The following FAM3B variants were observed in gnomAD, a reference collection of about 807,000 sequenced individuals.
FAM3B encodes the protein protein FAM3B.
In FAM3B, 29 loss-of-function variants were observed where a neutral mutation model predicts 28.4. That is an observed-to-expected ratio of 1.02 (90% confidence interval 0.76 to 1.39). FAM3B has a LOEUF of 1.39. FAM3B is among the 40% of genes most tolerant of loss of function. The probability of loss-of-function intolerance (pLI) is 0.00; values close to 1 mark genes in which losing one functional copy is unlikely to be tolerated. For missense variants in FAM3B, 266 were observed against 293.9 expected (o/e 0.91, Z 0.69); for synonymous variants, 91 against 103.0 (o/e 0.88, Z 0.71).
Position 41,316,890 on chromosome 21 carries a change from T to A in FAM3B, c.11T>A (p.Leu4Ter). Residue 4 changes from leucine to a stop codon, truncating the protein, a stop_gained, in exon 1 of 8, where the codon TTG becomes TAG. Transcript: ENST00000357985. LOFTEE classifies it high-confidence loss of function. MRP[L>*]AGGLLKVVFV... ...AGCGGCACCTGGAAGATGCGCCCAT[T>A]GGCTGGTGGTGAGTGCGCCCCCGCC... is the stretch of plus-strand genomic sequence containing the variant. The A allele has an allele frequency of 1.4e-6, 2 of 1,390,244 alleles. No homozygotes were observed. Among genetic ancestry groups the A allele is most frequent in the South Asian group, 1.6e-5 (1 of 61,214 alleles). The allele number at this position is 1,390,244 out of a possible 1,614,324, so 86.1% of individuals were successfully genotyped here.
At chr21:41,308,574 T>C (rs1477443133) in intron 1 of FAM3B, among the ~76,000 whole-genome samples, 2 of 149,714 alleles carry the variant, frequency 1.3e-5, no homozygotes, top group African/African-American at 2.5e-5. Flanking sequence ...AGTTTCACTC[T>C]TGTTGCCCAG....
intron 1 of FAM3B, among the ~76,000 whole-genome samples, chr21:41,317,923 G>C (rs531277461): frequency 1.3e-5 from 2 of 152,080 alleles, no homozygotes; most frequent in Non-Finnish European, 2.9e-5. Flanking sequence ...CACTGTTTTC[G>C]ATAACTTGTG....
At chr21:41,325,223 T>C (rs899131709) in intron 2 of FAM3B, among the ~76,000 whole-genome samples, 2 of 152,248 alleles carry the variant, frequency 1.3e-5, no homozygotes, top group Admixed American at 1.3e-4. Flanking sequence ...CTACCTTCAC[T>C]GTACTCAGAG....
intron 6 of FAM3B, among the ~76,000 whole-genome samples, chr21:41,347,537 G>A (rs1339554130): frequency 2.0e-5 from 3 of 152,096 alleles, no homozygotes; most frequent in African/African-American, 4.8e-5. Flanking sequence ...GGCGGATCAC[G>A]AGGTCAAGGG....
intron 1 of FAM3B, among the ~76,000 whole-genome samples, chr21:41,308,535 C>CTTTTTTT (rs562737882): frequency 4.2e-5 from 5 of 119,550 alleles, no homozygotes; most frequent in African/African-American, 6.2e-5. Flanking sequence ...TTTTTCTTTT[C>CTTTTTTT]TTTTTTTTTT....
At chr21:41,317,784 G>A (rs2088763631) in intron 1 of FAM3B, among the ~76,000 whole-genome samples, 1 of 152,126 alleles carries the variant, frequency 6.6e-6, no homozygotes, top group Non-Finnish European at 1.5e-5. Flanking sequence ...CCAGCATTCT[G>A]GCTGTGATCA....
At chr21:41,340,383 A>C (rs1601366068) in intron 3 of FAM3B, among the ~76,000 whole-genome samples, 1 of 152,000 alleles carries the variant, frequency 6.6e-6, no homozygotes, top group Non-Finnish European at 1.5e-5. Context: ...CGATCTCTTG[A>C]CCTCATGATC....
intron 1 of FAM3B, among the ~76,000 whole-genome samples, chr21:41,304,926 G>A (rs1209139741): frequency 6.6e-6 from 1 of 152,132 alleles, no homozygotes; most frequent in Non-Finnish European, 1.5e-5. Flanking sequence ...GAGTGAAGGA[G>A]GAGAATTTGA....
chr21:41,316,749 G>T, upstream of FAM3B: 1 of 870,800 alleles, frequency 1.1e-6, no homozygotes, highest in Non-Finnish European at 1.6e-6. Flanking sequence ...CCGACTGGCC[G>T]CGCACCCAGC....
intron 6 of FAM3B, among the ~76,000 whole-genome samples, chr21:41,348,014 C>T (rs2089080328): frequency 6.6e-6 from 1 of 152,170 alleles, no homozygotes; most frequent in Admixed American, 6.5e-5. Flanking sequence ...ACTGAAGTTC[C>T]TTGGCACATA....
intron 7 of FAM3B, among the ~76,000 whole-genome samples, chr21:41,356,559 A>G (rs572350191): frequency 2.2e-4 from 34 of 152,340 alleles, no homozygotes; most frequent in South Asian, 1.7e-3. Context: ...TTAAACCACC[A>G]TGAGTTGGGG....
At chr21:41,350,857 CCA>C (rs2089112232) in intron 7 of FAM3B, among the ~76,000 whole-genome samples, 1 of 152,240 alleles carries the variant, frequency 6.6e-6, no homozygotes, top group Non-Finnish European at 1.5e-5. Flanking sequence ...CTTCCCAGTT[CCA>C]CAGTCTCTTC....
intron 6 of FAM3B, among the ~76,000 whole-genome samples, chr21:41,347,907 A>G (rs963871320): frequency 6.6e-6 from 1 of 152,178 alleles, no homozygotes; most frequent in African/African-American, 2.4e-5. Flanking sequence ...AGAACCTTCA[A>G]AGTGCTTATT....
intron 1 of FAM3B, among the ~76,000 whole-genome samples, chr21:41,322,023 G>A (rs1326928688): frequency 2.6e-5 from 4 of 151,612 alleles, no homozygotes; most frequent in African/African-American, 9.7e-5. Flanking sequence ...ATATTTAAAT[G>A]CACTGGGCAC....
At chr21:41,338,886 T>TCAGG (rs2088979634) in intron 3 of FAM3B, among the ~76,000 whole-genome samples, 1 of 152,130 alleles carries the variant, frequency 6.6e-6, no homozygotes, top group South Asian at 2.1e-4. Context: ...CATGAGAGCC[T>TCAGG]CAGGGGTGTT....
At chr21:41,315,650 C>T (rs1568909839), upstream of FAM3B, among the ~76,000 whole-genome samples, 2 of 152,130 alleles carry the variant, frequency 1.3e-5, no homozygotes, top group Non-Finnish European at 2.9e-5. Flanking sequence ...TGGCATGATT[C>T]TTGAGTCATT....
chr21:41,350,239 C>T (rs891939912), intron 7 of FAM3B, among the ~76,000 whole-genome samples: 8 of 152,184 alleles, frequency 5.3e-5, no homozygotes, highest in African/African-American at 1.7e-4. Flanking sequence ...CCATTCTCCC[C>T]GGGATTTCCT....
chr21:41,332,297 C>T (rs952479028), intron 2 of FAM3B, among the ~76,000 whole-genome samples: 6 of 152,178 alleles, frequency 3.9e-5, no homozygotes, highest in Admixed American at 2.0e-4. Flanking sequence ...CCTGCAGGAC[C>T]ATGAGCCAAT....
chr21:41,311,594 T>A (rs1357476387), intron 1 of FAM3B, among the ~76,000 whole-genome samples: 1 of 152,026 alleles, frequency 6.6e-6, no homozygotes, highest in Non-Finnish European at 1.5e-5. Context: ...AAACAAAATA[T>A]CTAGTGAGAA....
Sources: gnomAD v4.1 joint callset for allele counts (sites outside exome capture counted in the v4.1 genomes callset) on GRCh38, gnomAD v4.1.1 for gene constraint, MANE v1.5 for transcripts, NCBI Gene and HGNC (gene_info 2026-07-23, HGNC 2026-07-21) for gene names.